DNAJC10: variants seen among roughly 807,000 people sequenced by gnomAD.
The protein encoded by DNAJC10 is DnaJ heat shock protein family (Hsp40) member C10, also known as endoplasmic reticulum disulfide reductase DNAJC10.
A neutral mutation model predicts 115.0 loss-of-function variants in DNAJC10; 101 were observed. The ratio of observed to expected loss-of-function variants is 0.88; its 90% CI spans 0.75 to 1.04. DNAJC10 has a LOEUF of 1.04. Among genes scored for constraint, DNAJC10 ranks in the 50% least tolerant of loss-of-function variants. DNAJC10 has a pLI of 0.00. For synonymous variants in DNAJC10, 307 were observed against 301.5 expected (o/e 1.02, Z -0.19); for missense variants, 981 against 928.8 (o/e 1.06, Z -0.73).
intron 17 of DNAJC10, 79 bp downstream of exon 17, chr2:182,755,183 A>G: frequency 1.1e-6 from 1 of 877,902 alleles, no homozygotes; most frequent in Non-Finnish European, 1.9e-6. Flanking sequence ...CATATTGTTT[A>G]ATAGGATTTA....
At chr2:182,724,932 T>C (rs1693245163) in intron 5 of DNAJC10, among the ~76,000 whole-genome samples, 1 of 152,210 alleles carries the variant, frequency 6.6e-6, no homozygotes, top group Non-Finnish European at 1.5e-5. Context: ...TACACTTTGA[T>C]TTATTGCACT....
At chr2:182,718,338 A>G in intron 3 of DNAJC10, 48 bp downstream of exon 3, 1 of 1,418,784 alleles carries the variant, frequency 7.0e-7, no homozygotes, top group South Asian at 1.4e-5. Flanking sequence ...TTTTTGGTAC[A>G]TTTTGATATT....
At chr2:182,758,749 T>C in intron 19 of DNAJC10, 88 bp from the exon 20 acceptor site, 2 of 959,990 alleles carry the variant, frequency 2.1e-6, no homozygotes, top group South Asian at 1.4e-5. Context: ...ATATAACTTA[T>C]TTTTTAAATT....
chr2:182,728,619 C>T lies in DNAJC10; in HGVS notation c.462C>T (p.Tyr154=), dbSNP rs770531202. The T allele has an allele frequency of 3.7e-6, 6 of 1,612,204 alleles. No homozygotes were observed. In the East Asian group the frequency reaches 1.3e-4, roughly 36 times the overall value. ...NSGELWFVNF[Y]SPGCSHCHDL... The stretch of plus-strand genomic sequence containing the variant: ...GAGAACTGTGGTTTGTAAATTTTTA[C>T]TCCCCAGGCTGTTCACACTGCCATG... The change falls in exon 6 of 24, where the codon TAC becomes TAT. Residue 154 remains tyrosine, a synonymous_variant. Transcript: ENST00000264065.
chr2:182,725,250 A>G (rs1187786554), intron 5 of DNAJC10, among the ~76,000 whole-genome samples: 2 of 151,658 alleles, frequency 1.3e-5, no homozygotes, highest in African/African-American at 4.8e-5. Context: ...GGGCCTCCCT[A>G]CTCCCTGAGA....
At chr2:182,732,859 G>T (rs1192160287) in intron 10 of DNAJC10, 1 of 340,968 alleles carries the variant, frequency 2.9e-6, no homozygotes, top group Non-Finnish European at 5.3e-6. Context: ...TTCTTTTTTA[G>T]TCATTTTTAA....
chr2:182,740,061 A>G (rs1574932305), intron 11 of DNAJC10: 2 of 1,025,566 alleles, frequency 2.0e-6, no homozygotes, highest in East Asian at 7.3e-5. Flanking sequence ...TTAATGCAAC[A>G]TCTTATAATG....
rs546062548 is a variant in DNAJC10, at chr2:182,726,136, T to C, written c.419-2440T>C. On this transcript the variant is annotated intron_variant, in intron 5 of 23. Transcript: ENST00000264065. ...GTTACAGGAGTTGGGAAGAAGTTCATTCCAACCTTCATGGATGACTTTGAG... is the reference window on the plus strand; with the variant it reads ...GTTACAGGAGTTGGGAAGAAGTTCACTCCAACCTTCATGGATGACTTTGAG... Among the ~76,000 whole-genome samples, 4 of 152,256 alleles carry C rather than the reference T, an allele frequency of 2.6e-5. No homozygotes were observed. In the East Asian group the frequency reaches 7.7e-4, roughly 29 times the overall value.
chr2:182,739,086 G>A (rs1175676240), intron 11 of DNAJC10, among the ~76,000 whole-genome samples: 3 of 151,038 alleles, frequency 2.0e-5, no homozygotes, highest in Non-Finnish European at 4.4e-5. Context: ...TAGAACTGAG[G>A]CGTGAAAGAT....
intron 11 of DNAJC10, among the ~76,000 whole-genome samples, chr2:182,737,173 G>T (rs1203790369): frequency 2.6e-5 from 4 of 152,158 alleles, no homozygotes; most frequent in Non-Finnish European, 5.9e-5. Flanking sequence ...TTGTAATGTG[G>T]TATACCTCCT....
intron 16 of DNAJC10, among the ~76,000 whole-genome samples, chr2:182,753,767 A>C (rs1268163980): frequency 1.3e-5 from 2 of 151,830 alleles, no homozygotes; most frequent in African/African-American, 4.8e-5. Flanking sequence ...TATTTTTAGT[A>C]GAGATGGGGT....
At chr2:182,719,143 C>T (rs1044899267) in intron 3 of DNAJC10, among the ~76,000 whole-genome samples, 2 of 151,178 alleles carry the variant, frequency 1.3e-5, no homozygotes, top group Non-Finnish European at 2.9e-5. Context: ...AGACAGTAGA[C>T]CTTCTACCAT....
At chr2:182,769,665 AT>A (rs1559026267) in intron 22 of DNAJC10, among the ~76,000 whole-genome samples, 1 of 151,262 alleles carries the variant, frequency 6.6e-6, no homozygotes, top group African/African-American at 2.4e-5. Flanking sequence ...CCACTTTTTG[AT>A]GGGTTTTTTT....
chr2:182,754,639 T>TA (rs1278576409), intron 16 of DNAJC10: 46 of 407,490 alleles, frequency 1.1e-4, no homozygotes, highest in Non-Finnish European at 1.4e-4. Flanking sequence ...TATTATGGTT[T>TA]AAAAAAAAGA....
intron 4 of DNAJC10, 66 bp from the exon 5 acceptor site, chr2:182,721,957 CTA>C (rs1693161195): frequency 1.1e-6 from 1 of 874,068 alleles, no homozygotes; most frequent in Non-Finnish European, 1.7e-6. Flanking sequence ...AACGAGTAAT[CTA>C]TTTTTATGTT....
intron 13 of DNAJC10, among the ~76,000 whole-genome samples, chr2:182,742,029 T>C (rs1277082965): frequency 2.6e-5 from 4 of 152,314 alleles, no homozygotes; most frequent in East Asian, 3.9e-4. Context: ...TCTATATCCA[T>C]GTACACATGT....
At chr2:182,732,387 C>A (rs1030813146) in intron 9 of DNAJC10, 112 bp from the exon 10 acceptor site, 5 of 951,286 alleles carry the variant, frequency 5.3e-6, no homozygotes, top group African/African-American at 1.6e-5. Flanking sequence ...TAGAGTCCAG[C>A]TCAATTAATT....
rs777031254 is a variant in DNAJC10, at chr2:182,783,829, T to G, written c.*6697T>G. On this transcript the variant is annotated 3_prime_UTR_variant, in exon 24 of 24. Coordinates refer to ENST00000264065, the MANE Select transcript of DNAJC10 (RefSeq NM_018981.4). ...TTGTTATTTTTAGTATGTTAGCAATTCATCTGTCAATAATCACCAAAGAAC... is the reference window on the plus strand; with the variant it reads ...TTGTTATTTTTAGTATGTTAGCAATGCATCTGTCAATAATCACCAAAGAAC... 10 of 152,148 alleles carry G rather than the reference T, an allele frequency of 6.6e-5. No homozygotes were observed. The highest frequency in any genetic ancestry group is 1.5e-4 in the Non-Finnish European group (10 of 68,026). The allele number at this position is 152,148 out of a possible 1,614,324, so 9.4% of individuals were successfully genotyped here. A position where few individuals can be genotyped will look rare whatever the true frequency, so the allele number is the denominator to read the frequency against.
Position 182,716,291 on chromosome 2 carries a change from C to T in DNAJC10, c.-396C>T, listed in dbSNP as rs1489222367. On this transcript the variant is annotated 5_prime_UTR_variant, in exon 1 of 24. Coordinates refer to ENST00000264065, the MANE Select transcript of DNAJC10 (RefSeq NM_018981.4). ...CCGTGGAGACCGGCGCGTGAGGAAC[C>T]TACCGGTACCGGCCGCGCGCTGGTA... is the stretch of plus-strand genomic sequence containing the variant. The T allele has an allele frequency of 3.3e-5, 5 of 152,450 alleles. No homozygotes were observed. The highest frequency in any genetic ancestry group is 1.2e-4 in the African/African-American group (5 of 41,484). 9.4% of individuals were successfully genotyped at this position (152,450 alleles called of 1,614,324 possible).
Sources: allele counts gnomAD v4.1 joint callset (sites outside exome capture counted in the v4.1 genomes callset), GRCh38; gene constraint gnomAD v4.1.1; transcripts MANE v1.5; gene names NCBI Gene and HGNC (gene_info 2026-07-23, HGNC 2026-07-21).